The following DOCK3 variants were observed in gnomAD, a reference collection of about 807,000 sequenced individuals.
DOCK3 encodes the protein dedicator of cytokinesis protein 3.
Under a neutral mutation model 265.6 loss-of-function variants are expected in DOCK3, and 60 were observed. The ratio of observed to expected loss-of-function variants is 0.23; its 90% CI spans 0.18 to 0.28. The LOEUF (loss-of-function observed/expected upper bound fraction) is 0.28, where lower values mean the gene tolerates loss of function less well. Ranked by LOEUF, DOCK3 falls within the 10% of genes least tolerant of loss-of-function variation. The pLI is 1.00. For synonymous variants in DOCK3, 881 were observed against 938.0 expected (o/e 0.94, Z 1.11); for missense variants, 1,981 against 2,594.3 (o/e 0.76, Z 5.14).
chr3:50,839,739 C>T (rs1336792420), intron 2 of DOCK3, among the ~76,000 whole-genome samples: 3 of 74,572 alleles, frequency 4.0e-5, no homozygotes, highest in Admixed American at 2.8e-4. Flanking sequence ...CTCCCCTCCC[C>T]TCCCCTCCTC....
intron 48 of DOCK3, 30 bp from the exon 49 acceptor site, chr3:51,362,497 T>G (rs754443613): frequency 1.4e-5 from 22 of 1,611,178 alleles, no homozygotes; most frequent in Non-Finnish European, 1.4e-5. Context: ...CATTCAGACC[T>G]CTATCCTGCT....
intron 2 of DOCK3, among the ~76,000 whole-genome samples, chr3:50,804,015 C>G (rs1341609996): frequency 6.6e-6 from 1 of 151,550 alleles, no homozygotes; most frequent in Non-Finnish European, 1.5e-5. Flanking sequence ...TCCTCACCTC[C>G]CAGACGGGGT....
chr3:51,306,949 A>G (rs1170313204), intron 27 of DOCK3, among the ~76,000 whole-genome samples: 3 of 152,024 alleles, frequency 2.0e-5, no homozygotes, highest in African/African-American at 7.3e-5. Context: ...ATACTTTCCT[A>G]TTTTTTTATA....
chr3:51,362,921 A>G (rs2086845512), intron 49 of DOCK3, among the ~76,000 whole-genome samples: 1 of 152,262 alleles, frequency 6.6e-6, no homozygotes, highest in Non-Finnish European at 1.5e-5. Flanking sequence ...GTCACAGGAC[A>G]CACAGCTTAG....
intron 3 of DOCK3, among the ~76,000 whole-genome samples, chr3:50,843,754 C>T (rs187280761): frequency 2.0e-5 from 3 of 152,140 alleles, no homozygotes; most frequent in African/African-American, 7.2e-5. Flanking sequence ...GTTATTACAG[C>T]ATTTATTAGC....
intron 4 of DOCK3, among the ~76,000 whole-genome samples, chr3:50,929,152 G>C (rs1461030254): frequency 6.6e-6 from 1 of 152,192 alleles, no homozygotes; most frequent in Non-Finnish European, 1.5e-5. Flanking sequence ...GAACATTATA[G>C]AGTCTTCATG....
intron 24 of DOCK3, among the ~76,000 whole-genome samples, chr3:51,274,005 G>A (rs565380858): frequency 3.3e-5 from 5 of 152,164 alleles, no homozygotes; most frequent in Non-Finnish European, 1.5e-5. Flanking sequence ...AATAAAGCTC[G>A]TGAGAGGAGT....
intron 2 of DOCK3, among the ~76,000 whole-genome samples, chr3:50,832,017 AT>A (rs1172526957): frequency 1.3e-5 from 2 of 152,170 alleles, no homozygotes; most frequent in Non-Finnish European, 2.9e-5. Context: ...TGTTGGCCAC[AT>A]AAATGTCTTC....
intron 12 of DOCK3, among the ~76,000 whole-genome samples, chr3:51,163,546 G>A (rs1560147867): frequency 6.6e-6 from 1 of 151,802 alleles, no homozygotes; most frequent in African/African-American, 2.4e-5. Context: ...TGACCCGAAG[G>A]ACAAGGGGTC....
At chr3:51,159,347 A>T in intron 11 of DOCK3, 43 bp downstream of exon 11, 1 of 1,573,154 alleles carries the variant, frequency 6.4e-7, no homozygotes, top group Non-Finnish European at 8.7e-7. Context: ...GAATGGCCCA[A>T]CTTGGGATAA....
At chr3:50,839,275 T>C (rs957830462) in intron 2 of DOCK3, among the ~76,000 whole-genome samples, 6 of 152,222 alleles carry the variant, frequency 3.9e-5, no homozygotes, top group Non-Finnish European at 8.8e-5. Context: ...TGGCAGAAAG[T>C]ATGATAAAGC....
chr3:50,983,432 C>G (rs554260039), intron 5 of DOCK3, among the ~76,000 whole-genome samples: 3 of 152,242 alleles, frequency 2.0e-5, no homozygotes, highest in African/African-American at 7.2e-5. Flanking sequence ...TACACATTTC[C>G]TCCCCTCTGT....
At chr3:51,285,995 A>G (rs1485391631) in intron 27 of DOCK3, among the ~76,000 whole-genome samples, 1 of 152,166 alleles carries the variant, frequency 6.6e-6, no homozygotes, top group Non-Finnish European at 1.5e-5. Flanking sequence ...GAGAAAGAAA[A>G]CGCATCCAAA....
At chr3:51,288,010 T>C (rs181493980) in intron 27 of DOCK3, among the ~76,000 whole-genome samples, 85 of 152,330 alleles carry the variant, frequency 5.6e-4, no homozygotes, top group Non-Finnish European at 1.0e-3. Flanking sequence ...CTGGAGGCCA[T>C]TGTCCTAAGT....
At chr3:51,245,285 C>T (rs1297900217) in intron 21 of DOCK3, among the ~76,000 whole-genome samples, 2 of 151,842 alleles carry the variant, frequency 1.3e-5, no homozygotes, top group East Asian at 1.9e-4. Flanking sequence ...TACAATGAGC[C>T]GAGGTCGCGT....
chr3:51,378,297 G>A (rs1321471347), intron 51 of DOCK3, among the ~76,000 whole-genome samples: 3 of 152,306 alleles, frequency 2.0e-5, no homozygotes, highest in Admixed American at 6.5e-5. Context: ...GCAAGCTCAC[G>A]CCAGTTCCTG....
At chr3:51,123,979 C>A (rs1300085908) in intron 9 of DOCK3, among the ~76,000 whole-genome samples, 1 of 152,126 alleles carries the variant, frequency 6.6e-6, no homozygotes, top group African/African-American at 2.4e-5. Context: ...TTTTGGCCCA[C>A]CATGAGCGTG....
intron 5 of DOCK3, among the ~76,000 whole-genome samples, chr3:50,992,955 C>CT (rs1334030257): frequency 6.6e-6 from 1 of 151,920 alleles, no homozygotes; most frequent in Non-Finnish European, 1.5e-5. Flanking sequence ...AAATTTTGTT[C>CT]TTTTTTTTGT....
chr3:50,964,259 A>T (rs1364908295), intron 5 of DOCK3, among the ~76,000 whole-genome samples: 2 of 152,240 alleles, frequency 1.3e-5, no homozygotes, highest in Non-Finnish European at 2.9e-5. Context: ...GGATAATTAT[A>T]GAAATTTAGA....
Sources: gnomAD v4.1 joint callset for allele counts (sites outside exome capture counted in the v4.1 genomes callset) on GRCh38, gnomAD v4.1.1 for gene constraint, MANE v1.5 for transcripts, NCBI Gene and HGNC (gene_info 2026-07-23, HGNC 2026-07-21) for gene names.